MYH4: variants seen among roughly 807,000 people sequenced by gnomAD.
The protein encoded by MYH4 is myosin-4.
MYH4 carries 200 observed loss-of-function variants against 229.9 expected under a neutral mutation model. The observed-to-expected ratio is 0.87, with a 90% CI of 0.78 to 0.98. The LOEUF (loss-of-function observed/expected upper bound fraction) is 0.98, where lower values mean the gene tolerates loss of function less well. Among genes scored for constraint, MYH4 ranks in the 50% least tolerant of loss-of-function variants. The pLI is 0.00. For synonymous variants in MYH4, 761 were observed against 834.6 expected (o/e 0.91, Z 1.52); for missense variants, 2,148 against 2,332.6 (o/e 0.92, Z 1.63).
chr17:10,465,639 G>A, intron 4 of MYH4, 41 bp from the exon 5 acceptor site: 1 of 1,612,252 alleles, frequency 6.2e-7, no homozygotes, highest in East Asian at 2.2e-5. Flanking sequence ...CAATCACCTT[G>A]TTTATCTATC....
chr17:10,461,088 T>C, intron 11 of MYH4, 34 bp from the exon 12 acceptor site: 1 of 1,611,436 alleles, frequency 6.2e-7, no homozygotes. Flanking sequence ...CATCCCCAAT[T>C]AGCACCATGG....
chr17:10,443,475 A>G lies in MYH4; in HGVS notation c.5720T>C (p.Leu1907Pro). The G allele has an allele frequency of 6.2e-7, 1 of 1,614,102 alleles. No individual in the cohort carries two copies. The highest frequency in any genetic ancestry group is 8.5e-7 in the Non-Finnish European group (1 of 1,179,944). The change falls in exon 40 of 40, where the codon CTG becomes CCG. Residue 1907 changes from leucine to proline, a missense_variant. Leu to Pro is a moderately conservative substitution (Grantham distance 98). Transcript: ENST00000255381. The surrounding 1 kb of genome is among the most constrained non-coding windows in gnomAD (Gnocchi z 4.6). ...GTCAGCCCGTTCCTTGGCCTCCTCC[A>G]GCTCGTGCTGGAGCTTGCGGAACTT... ...LAKFRKLQHELEEAKERADIA... is the reference protein window; with the variant it reads ...LAKFRKLQHEPEEAKERADIA...
Position 10,443,914 on chromosome 17 carries a change from G to GAA in MYH4, c.5668-389_5668-388dup. On this transcript the variant is annotated intron_variant, in intron 39 of 39. Transcript: ENST00000255381. This position sits in a 1 kb window ranked among gnomAD's most constrained non-coding sequence, Gnocchi z 4.6. ...GGCAACAAGAGCAAAACTCTGCCTC[G>GAA]AAAAAAAAAAAAAGAAGAGAAAAAG... Among the ~76,000 whole-genome samples the GAA allele has an allele frequency of 1.6e-5, 2 of 127,512 alleles. No individual in the cohort carries two copies. Among genetic ancestry groups the GAA allele is most frequent in the African/African-American group, 5.8e-5 (2 of 34,598 alleles). The allele number at this position is 127,512 out of a possible 152,430, so 83.7% of individuals were successfully genotyped here.
At position 10,463,404 on chromosome 17, in the gene MYH4, T is replaced by G; in HGVS notation, c.742-3A>C. 1 of 1,611,674 alleles carries G rather than the reference T, an allele frequency of 6.2e-7. No individual in the cohort carries two copies. Among genetic ancestry groups the G allele is most frequent in the African/African-American group, 1.3e-5 (1 of 74,898 alleles). On this transcript the variant is annotated splice_region_variant and splice_polypyrimidine_tract_variant and intron_variant, in intron 8 of 39. Coordinates refer to ENST00000255381, the MANE Select transcript of MYH4 (RefSeq NM_017533.2). ...AAATGGATCCTGATGAATTTACCCTTAAAAAAGAAAAGGAGGGATTATTAT... is the reference window on the plus strand; with the variant it reads ...AAATGGATCCTGATGAATTTACCCTGAAAAAAGAAAAGGAGGGATTATTAT...
intron 4 of MYH4, among the ~76,000 whole-genome samples, 198 bp downstream of exon 4, chr17:10,466,075 A>G (rs1181648596): frequency 6.6e-6 from 1 of 152,178 alleles, no homozygotes; most frequent in Non-Finnish European, 1.5e-5. Context: ...CGCCCGGCCC[A>G]GTTTTTCAAC....
chr17:10,445,976 C>T (rs908676441), intron 35 of MYH4, among the ~76,000 whole-genome samples: 6 of 136,286 alleles, frequency 4.4e-5, no homozygotes, highest in East Asian at 4.8e-4. Context: ...TGCTGTGAGC[C>T]GAGATCGCAC....
At chr17:10,465,977 T>C (rs1236738787) in intron 4 of MYH4, among the ~76,000 whole-genome samples, 3 of 151,562 alleles carry the variant, frequency 2.0e-5, no homozygotes, top group African/African-American at 7.3e-5. Context: ...GGTTTCACCG[T>C]TTTAGCCGGG....
Position 10,456,690 on chromosome 17 carries a change from A to G in MYH4, c.1898-135T>C, listed in dbSNP as rs113290984. 5.4e-5 allele frequency: 36 copies of G among 668,004 alleles called. No individual in the cohort carries two copies. The African/African-American group carries it at 5.6e-4, about 10-fold the overall frequency. 41.4% of individuals were successfully genotyped at this position (668,004 alleles called of 1,614,324 possible). A position where few individuals can be genotyped will look rare whatever the true frequency, so the allele number is the denominator to read the frequency against. On this transcript the variant is annotated intron_variant, in intron 16 of 39. Coordinates refer to ENST00000255381, the MANE Select transcript of MYH4 (RefSeq NM_017533.2). ...CACTTGCATCATTCCTATTCTTTCC[A>G]TATCTCTCCTCCCTCAATTGTAGAT...
intron 30 of MYH4, among the ~76,000 whole-genome samples, chr17:10,449,648 T>C (rs1367277118): frequency 6.6e-6 from 1 of 152,206 alleles, no homozygotes; most frequent in Non-Finnish European, 1.5e-5. Context: ...CAGAGTGATA[T>C]GTTCAAGGTC....
chr17:10,459,270 C>A lies in MYH4; in HGVS notation c.1568G>T (p.Cys523Phe). ...ATGAACCTTCTCGATGAGCTCGATG[C>A]AGGCAGCCAGGTCCATCCCGAAGTC... ...FIDFGMDLAA[C>F]IELIEKPMGI... The change falls in exon 15 of 40, where the codon TGC becomes TTC. Residue 523 changes from cysteine to phenylalanine, a missense_variant. Physicochemically the swap from Cys to Phe is radical, Grantham distance 205 (BLOSUM62 -2). Coordinates refer to ENST00000255381, the MANE Select transcript of MYH4 (RefSeq NM_017533.2). 3 of 1,614,044 alleles carry A rather than the reference C, an allele frequency of 1.9e-6. No individual in the cohort carries two copies. The highest frequency in any genetic ancestry group is 2.5e-6 in the Non-Finnish European group (3 of 1,179,978).
At chr17:10,449,622 T>G (rs1160784031) in intron 30 of MYH4, among the ~76,000 whole-genome samples, 1 of 152,176 alleles carries the variant, frequency 6.6e-6, no homozygotes, top group East Asian at 1.9e-4. Flanking sequence ...ATTTTGCAAA[T>G]GAGGAAACTG....
In MYH4 at chr17:10,465,436, A is replaced by T. The variant is rs776118871; in HGVS notation, c.505+6T>A. The T allele has an allele frequency of 5.6e-6, 9 of 1,613,312 alleles. No individual in the cohort carries two copies. Among genetic ancestry groups the T allele is most frequent in the Non-Finnish European group, 6.8e-6 (8 of 1,179,886 alleles). On this transcript the variant is annotated splice_donor_region_variant and intron_variant, in intron 5 of 39. Coordinates refer to ENST00000255381, the MANE Select transcript of MYH4 (RefSeq NM_017533.2). ...AATGGCTATGGAAATTGTAATTCTC[A>T]CTCACCAGTTAGCATGAACTGATAG... is the stretch of plus-strand genomic sequence containing the variant.
At chr17:10,456,370 G>A in intron 17 of MYH4, 115 bp downstream of exon 17, 1 of 830,948 alleles carries the variant, frequency 1.2e-6, no homozygotes, top group Non-Finnish European at 1.8e-6. Context: ...ATACTAAAAA[G>A]TATACTGTAC....
chr17:10,464,394 T>C (rs964841859), intron 7 of MYH4, 78 bp downstream of exon 7: 1 of 1,205,946 alleles, frequency 8.3e-7, no homozygotes, highest in African/African-American at 1.5e-5. Context: ...ACATTTTCTG[T>C]ATACAGTCTA....
At chr17:10,451,253 T>TTGAGA in intron 28 of MYH4, 73 bp downstream of exon 28, 4 of 1,534,294 alleles carry the variant, frequency 2.6e-6, no homozygotes, top group Non-Finnish European at 3.5e-6. Flanking sequence ...AAATTACTTG[T>TTGAGA]ATTTGATAGG....
At position 10,447,871 on chromosome 17, in the gene MYH4, G is replaced by A. The variant is rs756656952; in HGVS notation, c.4912C>T (p.Arg1638Cys). Residue 1638 changes from arginine to cysteine, a missense_variant, in exon 34 of 40, where the codon CGC (arginine) becomes TGC (cysteine). Arg to Cys is a radical substitution (Grantham distance 180). Transcript: ENST00000255381. The stretch of plus-strand genomic sequence containing the variant: ...TTCCTTAGTGCCTCAGCAGCCTGGC[G>A]GTTGGCATGGTTCAGCTGGATTTCC... The part of the protein sequence containing the change: ...EMEIQLNHAN[R>C]QAAEALRNLR... 31 of 1,613,776 alleles carry A rather than the reference G, an allele frequency of 1.9e-5. No homozygotes were observed. The highest frequency in any genetic ancestry group is 6.6e-5 in the South Asian group (6 of 91,062).
chr17:10,457,570 C>T lies in MYH4; in HGVS notation c.1747G>A (p.Val583Met), dbSNP rs763492896. The T allele has an allele frequency of 3.1e-6, 5 of 1,614,038 alleles. 1 individual carries two copies. Among genetic ancestry groups the T allele is most frequent in the Non-Finnish European group, 4.2e-6 (5 of 1,180,038 alleles). ...TAGTCCACGGTGCCGGCATAGTGCA[C>T]CAGTGAGAAGTGAGCCTCAGGCTTG... ...KGKPEAHFSL[V>M]HYAGTVDYNI... The change falls in exon 16 of 40, where the codon GTG becomes ATG. Residue 583 changes from valine to methionine, a missense_variant. Transcript: ENST00000255381.
chr17:10,444,600 TCA>T lies in MYH4; in HGVS notation c.5667+2_5667+3del, dbSNP rs2072489847. On this transcript the variant is annotated splice_donor_variant and splice_donor_region_variant and intron_variant, in intron 39 of 39. Transcript: ENST00000255381. LOFTEE classifies it high-confidence loss of function. ...CCTTTCATTTCCACTGTGGAGATAC[TCA>T]CAGCCTCTTCAGCTTGTCTCTTGTA... 1 of 1,612,364 alleles carries T rather than the reference TCA, an allele frequency of 6.2e-7. No homozygotes were observed.
Position 10,444,776 on chromosome 17 carries a change from A to G in MYH4, c.5571+19T>C. ...TTCTTGAAAACTATAGGCCTGGAAG[A>G]TATGAAAACACTGGTCACCTGGTAA... is the stretch of plus-strand genomic sequence containing the variant. On this transcript the variant is annotated intron_variant, in intron 38 of 39. Transcript: ENST00000255381. The G allele has an allele frequency of 6.2e-7, 1 of 1,613,540 alleles. No individual in the cohort carries two copies. Among genetic ancestry groups the G allele is most frequent in the Non-Finnish European group, 8.5e-7 (1 of 1,179,518 alleles).
Sources: gnomAD v4.1 joint callset for allele counts (sites outside exome capture counted in the v4.1 genomes callset) on GRCh38, gnomAD v4.1.1 for gene constraint, Gnocchi (gnomAD v3.1) non-coding constraint, MANE v1.5 for transcripts, NCBI Gene and HGNC (gene_info 2026-07-23, HGNC 2026-07-21) for gene names.